The following RBM10 variants were observed in gnomAD, a reference collection of about 807,000 sequenced individuals.
The protein encoded by RBM10 is RNA-binding protein 10.
In RBM10, 1 loss-of-function variant was observed where a neutral mutation model predicts 84.9. That is an observed-to-expected ratio of 0.01 (90% CI 0.00 to 0.06). The LOEUF is 0.06. Ranked by LOEUF, RBM10 falls within the 10% of genes least tolerant of loss-of-function variation. RBM10 has a pLI of 1.00. For missense variants in RBM10, 438 were observed against 839.0 expected (o/e 0.52, Z 5.90); for synonymous variants, 326 against 344.5 (o/e 0.95, Z 0.60).
chrX:47,182,083 C>T lies in RBM10; in HGVS notation c.1785+41C>T, dbSNP rs782065123. 256 of 1,208,743 alleles carry T rather than the reference C, an allele frequency of 2.1e-4. 5 individuals are homozygous for T. The South Asian group carries it at 4.0e-3, about 19-fold the overall frequency. ...AGGGAGGGATGGGATCGGGTCAGGT[C>T]GCGTCAGGAACAGCTAGCCCTGCAG... On this transcript the variant is annotated intron_variant, in intron 16 of 23. Coordinates refer to ENST00000377604, the MANE Select transcript of RBM10 (RefSeq NM_005676.5).
intron 7 of RBM10, 128 bp downstream of exon 7, chrX:47,176,714 G>C (rs113531734): frequency 5.0e-5 from 47 of 947,097 alleles, no homozygotes; most frequent in African/African-American, 3.8e-4. Context: ...CTCTCCCTCT[G>C]TCTCTCTCTC....
chrX:47,173,108 C>T lies in RBM10; in HGVS notation c.433-20C>T, dbSNP rs1934795937. The T allele has an allele frequency of 2.5e-6, 3 of 1,212,368 alleles. No individual in the cohort carries two copies. The highest frequency in any genetic ancestry group is 4.3e-5 in the Admixed American group (2 of 46,107). ...GCCCCATTGTGCTGAGCCTGCCCTA[C>T]TCTGTATCTCCCCGTATAGATCCGT... On this transcript the variant is annotated intron_variant, in intron 4 of 23. Coordinates refer to ENST00000377604, the MANE Select transcript of RBM10 (RefSeq NM_005676.5).
intron 7 of RBM10, 132 bp from the exon 8 acceptor site, chrX:47,178,971 C>T: frequency 8.8e-7 from 1 of 1,136,823 alleles, no homozygotes; most frequent in Non-Finnish European, 1.2e-6. Context: ...GTTCAGAAGG[C>T]ACCTGCCACC....
intron 17 of RBM10, 148 bp from the exon 18 acceptor site, chrX:47,184,907 G>T (rs1327937540): frequency 4.3e-5 from 28 of 654,834 alleles, no homozygotes; most frequent in African/African-American, 6.7e-5. Flanking sequence ...CCGTAGCCCA[G>T]AGGCCAGATG....
Position 47,176,663 on chromosome X carries a change from C to T in RBM10, c.663+77C>T, listed in dbSNP as rs953384063. 1.5e-4 allele frequency: 179 copies of T among 1,182,529 alleles called. No individual in the cohort carries two copies. In the South Asian group the frequency reaches 2.7e-3, roughly 18 times the overall value. On this transcript the variant is annotated intron_variant, in intron 7 of 23. Transcript: ENST00000377604. ...GGCGGCGATCTCTCCCTTCCTCTCCCGCTCTTTCTCCCTCCATCTCTCCCC... is the reference window on the plus strand; with the variant it reads ...GGCGGCGATCTCTCCCTTCCTCTCCTGCTCTTTCTCCCTCCATCTCTCCCC...
chrX:47,174,731 CCGA>C (rs1934994975), intron 5 of RBM10, among the ~76,000 whole-genome samples: 1 of 110,713 alleles, frequency 9.0e-6, no homozygotes, highest in Admixed American at 9.5e-5. Flanking sequence ...GCAGGTCTGC[CCGA>C]GCCCCATCTC....
intron 1 of RBM10, among the ~76,000 whole-genome samples, chrX:47,146,096 G>C (rs1556762002): frequency 9.1e-6 from 1 of 110,383 alleles, no homozygotes; most frequent in Non-Finnish European, 1.9e-5. Flanking sequence ...TGGGGAGTTT[G>C]TATCTGTGAC....
At chrX:47,180,347 T>TCCCCCCC in intron 11 of RBM10, 38 bp downstream of exon 11, 1 of 210,706 alleles carries the variant, frequency 4.7e-6, no homozygotes. Flanking sequence ...ACCCTTCCCC[T>TCCCCCCC]CCCCACCCTC....
intron 2 of RBM10, among the ~76,000 whole-genome samples, chrX:47,150,052 C>G (rs1932692384): frequency 9.0e-6 from 1 of 110,822 alleles, no homozygotes; most frequent in African/African-American, 3.3e-5. Flanking sequence ...GAACTCCTGA[C>G]CTCAGGTGAT....
In RBM10 at chrX:47,186,751, C is replaced by A; in HGVS notation, c.*152C>A. On this transcript the variant is annotated 3_prime_UTR_variant, in exon 24 of 24. Transcript: ENST00000377604. The stretch of plus-strand genomic sequence containing the variant: ...TGACCAAATCAAATTGAGGTGGTGA[C>A]TTTTGTTGGAAAATTGGGCTGGGAT... 1 of 738,858 alleles carries A rather than the reference C, an allele frequency of 1.4e-6. No individual in the cohort carries two copies. Among genetic ancestry groups the A allele is most frequent in the Non-Finnish European group, 2.1e-6 (1 of 487,747 alleles). The allele number at this position is 738,858 out of a possible 1,213,427, so 60.9% of individuals were successfully genotyped here.
chrX:47,149,518 G>A (rs183441209), intron 2 of RBM10, among the ~76,000 whole-genome samples: 94 of 110,156 alleles, frequency 8.5e-4, no homozygotes, highest in African/African-American at 3.0e-3. Flanking sequence ...GTGCCACCAC[G>A]CCTGGCTAAT....
At chrX:47,173,345 C>G in intron 5 of RBM10, 148 bp downstream of exon 5, 1 of 1,139,526 alleles carries the variant, frequency 8.8e-7, no homozygotes, top group Non-Finnish European at 1.2e-6. Context: ...TCTCTTCTCT[C>G]CCACTCCCCA....
intron 2 of RBM10, among the ~76,000 whole-genome samples, chrX:47,161,500 TCTCAA>T (rs1368482903): frequency 2.0e-5 from 2 of 100,021 alleles, no homozygotes; most frequent in African/African-American, 7.3e-5. Flanking sequence ...CTAGAGTTCC[TCTCAA>T]CTCATTAGTT....
intron 2 of RBM10, among the ~76,000 whole-genome samples, chrX:47,147,755 C>T (rs189648096): frequency 4.7e-4 from 52 of 110,502 alleles, no homozygotes; most frequent in Non-Finnish European, 7.6e-4. Context: ...ATGCAGTTAA[C>T]GGGTGGGAGG....
At chrX:47,162,100 CACAGTGCTGGGATT>C (rs1176520773) in intron 2 of RBM10, among the ~76,000 whole-genome samples, 4 of 112,583 alleles carry the variant, frequency 3.6e-5, no homozygotes, top group African/African-American at 1.3e-4. Context: ...CTTGGCCTCC[CACAGTGCTGGGATT>C]ACAGGCGTGA....
chrX:47,185,314 G>A lies in RBM10; in HGVS notation c.2113G>A (p.Glu705Lys), dbSNP rs887995752. The A allele has an allele frequency of 1.7e-6, 2 of 1,210,586 alleles. No individual in the cohort carries two copies. Among genetic ancestry groups the A allele is most frequent in the Admixed American group, 2.2e-5 (1 of 45,989 alleles). ...CCCTCCACCCCAGGGAGCACTAGCC[G>A]AGAGACAGCACACCAGCATGGATCT... ...AILEKKGALA[E>K]RQHTSMDLPK... The change falls in exon 19 of 24, where the codon GAG (glutamate) becomes AAG (lysine). Residue 705 changes from glutamate (E) to lysine (K), a missense_variant. This residue lies in a region of RBM10 where 21 missense variants were observed against 16.1 expected (regional missense o/e 1.30). Coordinates refer to ENST00000377604, the MANE Select transcript of RBM10 (RefSeq NM_005676.5).
intron 2 of RBM10, among the ~76,000 whole-genome samples, chrX:47,161,780 C>T (rs993967861): frequency 9.0e-6 from 1 of 110,546 alleles, no homozygotes; most frequent in Non-Finnish European, 1.9e-5. Flanking sequence ...GATCCGCCCA[C>T]CTCATCCTCC....
chrX:47,179,778 C>T (rs1190335342), intron 9 of RBM10, 102 bp from the exon 10 acceptor site: 8 of 1,033,622 alleles, frequency 7.7e-6, no homozygotes, highest in East Asian at 6.7e-5. Context: ...TGCAAAGGCA[C>T]GGAGTGAGTG....
intron 2 of RBM10, among the ~76,000 whole-genome samples, chrX:47,168,972 G>T (rs782476731): frequency 6.1e-4 from 68 of 111,143 alleles, no homozygotes; most frequent in African/African-American, 2.2e-3. Flanking sequence ...GAGAGAGGCA[G>T]GTTGCACTTC....
Sources: allele counts gnomAD v4.1 joint callset (sites outside exome capture counted in the v4.1 genomes callset), GRCh38; gene constraint gnomAD v4.1.1; regional missense constraint gnomAD v4.1.1; transcripts MANE v1.5; gene names NCBI Gene and HGNC (gene_info 2026-07-23, HGNC 2026-07-21).